Variants in STEAP4 observed in about 807,000 individuals in gnomAD.
STEAP4 encodes STEAP4 metalloreductase.
STEAP4 carries 36 observed loss-of-function variants against 43.6 expected under a neutral mutation model. That is an observed-to-expected ratio of 0.83 (90% CI 0.63 to 1.09). STEAP4 has a LOEUF of 1.09. Among genes scored for constraint, STEAP4 ranks in the 50% least tolerant of loss-of-function variants. The pLI is 0.00. For missense variants in STEAP4, 495 were observed against 546.5 expected (o/e 0.91, Z 0.94); for synonymous variants, 191 against 196.7 (o/e 0.97, Z 0.24).
intron 1 of STEAP4, among the ~76,000 whole-genome samples, chr7:88,294,034 A>G (rs1024366279): frequency 1.3e-5 from 2 of 152,212 alleles, no homozygotes; most frequent in Non-Finnish European, 2.9e-5. Context: ...AATGCAAAGC[A>G]GTTCATGTTT....
In STEAP4 at chr7:88,272,465, A is replaced by C. The variant is rs754763293; in HGVS notation, c.*6933T>G. ...ACTCTTTTACAAGAAGCCTTGCCTC[A>C]GGATCGGTTTTTAGAAGTGCCAAGC... On this transcript the variant is annotated 3_prime_UTR_variant, in exon 5 of 5. Transcript: ENST00000380079. The C allele has an allele frequency of 6.6e-6, 1 of 152,210 alleles. No individual in the cohort carries two copies. The highest frequency in any genetic ancestry group is 6.5e-5 in the Admixed American group (1 of 15,284). The allele number at this position is 152,210 out of a possible 1,614,324, so 9.4% of individuals were successfully genotyped here. A position where few individuals can be genotyped will look rare whatever the true frequency, so the allele number is the denominator to read the frequency against.
chr7:88,298,977 C>T (rs1001244675), intron 1 of STEAP4, among the ~76,000 whole-genome samples: 1 of 152,130 alleles, frequency 6.6e-6, no homozygotes, highest in African/African-American at 2.4e-5. Flanking sequence ...TAAAGGCAAT[C>T]TTTACATTAA....
At chr7:88,280,034 A>T (rs1180613134) in intron 4 of STEAP4, among the ~76,000 whole-genome samples, 1 of 152,228 alleles carries the variant, frequency 6.6e-6, no homozygotes, top group Non-Finnish European at 1.5e-5. Flanking sequence ...TACTGACTAA[A>T]ACCAGATCCT....
rs1852576068 is a variant in STEAP4, at chr7:88,279,508, G to GCCCTAACA, written c.1262_1269dup (p.Leu424CysfsTer2). On this transcript the variant is annotated stop_gained and frameshift_variant, in exon 5 of 5. Transcript: ENST00000380079. LOFTEE classifies it high-confidence loss of function. The stretch of plus-strand genomic sequence containing the variant: ...ACCAGCACAGTGCAAGGAATGATAA[G>GCCCTAACA]CCCTAACACGTAGGCTGCAGGAAGA... 6.2e-7 allele frequency: 1 copy of GCCCTAACA among 1,614,046 alleles called. No individual in the cohort carries two copies. Among genetic ancestry groups the GCCCTAACA allele is most frequent in the Admixed American group, 1.7e-5 (1 of 59,982 alleles).
At chr7:88,288,292 TCC>T (rs1374292172) in intron 1 of STEAP4, among the ~76,000 whole-genome samples, 15 of 152,300 alleles carry the variant, frequency 9.8e-5, no homozygotes, top group Non-Finnish European at 1.6e-4. Flanking sequence ...TGCCTCAGCC[TCC>T]AGAGTAGCTG....
chr7:88,292,828 A>G (rs546388728), intron 1 of STEAP4: 1 of 152,312 alleles, frequency 6.6e-6, no homozygotes, highest in South Asian at 2.1e-4. Flanking sequence ...TTCACTCAGC[A>G]TAACATACTT....
At chr7:88,293,317 T>C (rs977679197) in intron 1 of STEAP4, among the ~76,000 whole-genome samples, 1 of 152,184 alleles carries the variant, frequency 6.6e-6, no homozygotes, top group Admixed American at 6.5e-5. Context: ...TGGGTTTATT[T>C]ACTGTTGAGT....
At position 88,279,463 on chromosome 7, in the gene STEAP4, T is replaced by C. The variant is rs1041215818; in HGVS notation, c.1315A>G (p.Met439Val). ...GTAAGGGTGTTGTCTACACATGGCA[T>C]GATTAGGACAAACTTGATCACCAGC... The part of the protein sequence containing the change: ...TVLVIKFVLI[M>V]PCVDNTLTRI... Residue 439 changes from methionine (M) to valine (V), a missense_variant, in exon 5 of 5, where the codon ATG becomes GTG. By Grantham distance (21) the Met-to-Val change is conservative. Transcript: ENST00000380079. 3 of 1,614,012 alleles carry C rather than the reference T, an allele frequency of 1.9e-6. No individual in the cohort carries two copies. The highest frequency in any genetic ancestry group is 1.1e-5 in the South Asian group (1 of 91,086).
Position 88,277,880 on chromosome 7 carries a change from T to C in STEAP4, c.*1518A>G, listed in dbSNP as rs1852539892. On this transcript the variant is annotated 3_prime_UTR_variant, in exon 5 of 5. Coordinates refer to ENST00000380079, the MANE Select transcript of STEAP4 (RefSeq NM_024636.4). Reference sequence around the variant, plus strand: ...CTCAAAAAAATAAAAAAGAAAAAAATAATAAAAAGGAAAACAAAGCCTTTA... The same window carrying C: ...CTCAAAAAAATAAAAAAGAAAAAAACAATAAAAAGGAAAACAAAGCCTTTA... The C allele has an allele frequency of 6.6e-6, 1 of 151,142 alleles. No individual in the cohort carries two copies. The highest frequency in any genetic ancestry group is 2.4e-5 in the African/African-American group (1 of 41,084). The allele number at this position is 151,142 out of a possible 1,614,324, so 9.4% of individuals were successfully genotyped here. A position where few individuals can be genotyped will look rare whatever the true frequency, so the allele number is the denominator to read the frequency against.
chr7:88,279,290 T>A lies in STEAP4; in HGVS notation c.*108A>T. The stretch of plus-strand genomic sequence containing the variant: ...CTCAGTCACGGTGTAAGAAAAAAAC[T>A]TTCCTAACTGTACCCATCATTCTTC... On this transcript the variant is annotated 3_prime_UTR_variant, in exon 5 of 5. Transcript: ENST00000380079. 2 of 1,039,134 alleles carry A rather than the reference T, an allele frequency of 1.9e-6. No homozygotes were observed. The highest frequency in any genetic ancestry group is 2.8e-6 in the Non-Finnish European group (2 of 715,894). The allele number at this position is 1,039,134 out of a possible 1,614,324, so 64.4% of individuals were successfully genotyped here.
Position 88,282,900 on chromosome 7 carries a change from A to G in STEAP4, c.725T>C (p.Ile242Thr). The change falls in exon 3 of 5, where the codon ATT becomes ACT. Residue 242 changes from isoleucine (I) to threonine (T), a missense_variant. Transcript: ENST00000380079. ...TGTTATTGGAAAGATACGATTTGGAATGGAAATAGCCATACGAAATGTATT... is the reference window on the plus strand; with the variant it reads ...TGTTATTGGAAAGATACGATTTGGAGTGGAAATAGCCATACGAAATGTATT... Reference protein sequence around the residue: ...KDNTFRMAISIPNRIFPITAL... With the variant: ...KDNTFRMAISTPNRIFPITAL... 6.2e-7 allele frequency: 1 copy of G among 1,614,224 alleles called. No homozygotes were observed. Among genetic ancestry groups the G allele is most frequent in the East Asian group, 2.2e-5 (1 of 44,880 alleles).
Position 88,274,976 on chromosome 7 carries a change from C to G in STEAP4, c.*4422G>C, listed in dbSNP as rs1304348780. 6.6e-6 allele frequency: 1 copy of G among 152,240 alleles called. No individual in the cohort carries two copies. The highest frequency in any genetic ancestry group is 1.5e-5 in the Non-Finnish European group (1 of 68,094). The allele number at this position is 152,240 out of a possible 1,614,324, so 9.4% of individuals were successfully genotyped here. On this transcript the variant is annotated 3_prime_UTR_variant, in exon 5 of 5. Coordinates refer to ENST00000380079, the MANE Select transcript of STEAP4 (RefSeq NM_024636.4). ...GTTTTGGACGGCTTCTTTATTGCAT[C>G]CTGTTTTATCAGCAAGGTCTTTGTG... is the stretch of plus-strand genomic sequence containing the variant.
chr7:88,291,812 G>A (rs898278471), intron 1 of STEAP4, among the ~76,000 whole-genome samples: 2 of 152,090 alleles, frequency 1.3e-5, no homozygotes, highest in African/African-American at 4.8e-5. Context: ...ACAACATAGG[G>A]GTTTCCTCTC....
At position 88,273,576 on chromosome 7, in the gene STEAP4, A is replaced by T. The variant is rs1422462105; in HGVS notation, c.*5822T>A. On this transcript the variant is annotated 3_prime_UTR_variant, in exon 5 of 5. Transcript: ENST00000380079. ...AAAGTACTAAATGAGAAGTGTTATG[A>T]AATTTCTTGCATGGGTTACTGGATC... 1 of 152,170 alleles carries T rather than the reference A, an allele frequency of 6.6e-6. No individual in the cohort carries two copies. Among genetic ancestry groups the T allele is most frequent in the Non-Finnish European group, 1.5e-5 (1 of 68,036 alleles). 9.4% of individuals were successfully genotyped at this position (152,170 alleles called of 1,614,324 possible). A position where few individuals can be genotyped will look rare whatever the true frequency, so the allele number is the denominator to read the frequency against.
At chr7:88,305,403 G>T (rs1284302069) in intron 1 of STEAP4, among the ~76,000 whole-genome samples, 1 of 152,084 alleles carries the variant, frequency 6.6e-6, no homozygotes, top group African/African-American at 2.4e-5. Context: ...CTTGCAAAAG[G>T]CCATATCTCA....
chr7:88,279,213 G>A lies in STEAP4; in HGVS notation c.*185C>T. The A allele has an allele frequency of 3.3e-6, 2 of 597,746 alleles. No individual in the cohort carries two copies. Among genetic ancestry groups the A allele is most frequent in the Non-Finnish European group, 5.9e-6 (2 of 339,106 alleles). 37.0% of individuals were successfully genotyped at this position (597,746 alleles called of 1,614,324 possible). A position where few individuals can be genotyped will look rare whatever the true frequency, so the allele number is the denominator to read the frequency against. On this transcript the variant is annotated 3_prime_UTR_variant, in exon 5 of 5. Coordinates refer to ENST00000380079, the MANE Select transcript of STEAP4 (RefSeq NM_024636.4). The stretch of plus-strand genomic sequence containing the variant: ...ATTCTTCACTAACCTGAGATAAAAT[G>A]GTGTTCTCTTCCAGTATGTCAGTCA...
intron 2 of STEAP4, 197 bp downstream of exon 2, chr7:88,283,617 A>C: frequency 1.6e-6 from 1 of 638,028 alleles, no homozygotes; most frequent in Non-Finnish European, 2.6e-6. Flanking sequence ...CTAAAATCTG[A>C]GGGTGCAGAC....
intron 1 of STEAP4, among the ~76,000 whole-genome samples, chr7:88,297,063 T>C (rs566746225): frequency 2.6e-5 from 4 of 152,316 alleles, no homozygotes; most frequent in African/African-American, 9.6e-5. Flanking sequence ...TTCTTCCTGG[T>C]GATATTTATG....
intron 1 of STEAP4, among the ~76,000 whole-genome samples, chr7:88,290,689 A>T (rs1471375293): frequency 6.6e-6 from 1 of 152,178 alleles, no homozygotes; most frequent in African/African-American, 2.4e-5. Flanking sequence ...AAAGGCACCA[A>T]AATGACTATA....
Sources: allele counts gnomAD v4.1 joint callset (sites outside exome capture counted in the v4.1 genomes callset), GRCh38; gene constraint gnomAD v4.1.1; transcripts MANE v1.5; gene names NCBI Gene and HGNC (gene_info 2026-07-23, HGNC 2026-07-21).